Variants in DLEC1 observed in about 807,000 individuals in gnomAD.
The protein encoded by DLEC1 is DLEC1 cilia and flagella associated protein, also known as deleted in lung and esophageal cancer protein 1.
Under a neutral mutation model 198.1 loss-of-function variants are expected in DLEC1, and 146 were observed. That is an observed-to-expected ratio of 0.74 (90% CI 0.64 to 0.85). The LOEUF is 0.85. DLEC1 is among the 40% of genes least tolerant of loss of function. The pLI, the probability that DLEC1 is intolerant of heterozygous loss-of-function variation, is 0.00. For missense variants in DLEC1, 2,233 were observed against 2,220.0 expected (o/e 1.01, Z -0.12); for synonymous variants, 897 against 866.8 (o/e 1.03, Z -0.61).
rs1029551360 is a variant in DLEC1, at chr3:38,116,032, G to A, written c.3857-421G>A. ...CTGGCAAGACAGAGGTGGACATGGC[G>A]GCCCCCAAAGACTAGTCTGCCTGGG... On this transcript the variant is annotated intron_variant, in intron 27 of 36. Transcript: ENST00000308059. Among the ~76,000 whole-genome samples the A allele has an allele frequency of 9.2e-5, 14 of 152,082 alleles. No individual in the cohort carries two copies. In the South Asian group the frequency reaches 1.0e-3, roughly 11 times the overall value.
At chr3:38,074,727 C>T (rs1193820895) in intron 6 of DLEC1, among the ~76,000 whole-genome samples, 1 of 152,196 alleles carries the variant, frequency 6.6e-6, no homozygotes, top group Admixed American at 6.5e-5. Context: ...AGAGAAAAAA[C>T]TCTTTCCTGT....
At chr3:38,086,437 C>A in intron 9 of DLEC1, 60 bp downstream of exon 9, 1 of 1,557,136 alleles carries the variant, frequency 6.4e-7, no homozygotes, top group South Asian at 1.2e-5. Flanking sequence ...AAATAACCCC[C>A]AGAGGAACTT....
chr3:38,096,349 G>A (rs1348494005), intron 14 of DLEC1, among the ~76,000 whole-genome samples: 2 of 152,212 alleles, frequency 1.3e-5, no homozygotes, highest in African/African-American at 2.4e-5. Context: ...AGGCAGCAGG[G>A]CAATGCCCCG....
chr3:38,118,739 G>A (rs1226804957), intron 33 of DLEC1, among the ~76,000 whole-genome samples: 4 of 151,998 alleles, frequency 2.6e-5, no homozygotes, highest in Non-Finnish European at 4.4e-5. Flanking sequence ...TCTTCTTCTC[G>A]GAGGGCTTCC....
intron 9 of DLEC1, among the ~76,000 whole-genome samples, chr3:38,086,814 C>T (rs1698480703): frequency 6.6e-6 from 1 of 152,228 alleles, no homozygotes; most frequent in Admixed American, 6.5e-5. Context: ...GTGGCTCACA[C>T]ATGTAATCCC....
At chr3:38,071,858 G>A (rs914907289) in intron 6 of DLEC1, among the ~76,000 whole-genome samples, 12 of 152,230 alleles carry the variant, frequency 7.9e-5, no homozygotes, top group African/African-American at 2.9e-4. Flanking sequence ...TAGAATCAGT[G>A]TAGATATTGA....
At chr3:38,118,822 T>C (rs1700314966) in intron 33 of DLEC1, among the ~76,000 whole-genome samples, 2 of 152,144 alleles carry the variant, frequency 1.3e-5, no homozygotes, top group African/African-American at 4.8e-5. Context: ...GTCTCATCCA[T>C]TTCCAGAGCC....
At chr3:38,072,491 G>A (rs952330799) in intron 6 of DLEC1, among the ~76,000 whole-genome samples, 4 of 152,274 alleles carry the variant, frequency 2.6e-5, no homozygotes, top group Middle Eastern at 3.4e-3. Flanking sequence ...CCTGCACTTC[G>A]GCTGTGTGTA....
intron 28 of DLEC1, 40 bp from the exon 29 acceptor site, chr3:38,116,733 C>T (rs761602772): frequency 1.1e-5 from 17 of 1,608,096 alleles, no homozygotes; most frequent in Non-Finnish European, 1.4e-5. Flanking sequence ...CTAGTTGAAC[C>T]TCAGTGACTG....
Position 38,122,691 on chromosome 3 carries a change from G to A in DLEC1, c.*279G>A. ...AGACCAGTATGGCAAAATTAGTCTT[G>A]GAAAAAAACCACAGCCACTAAGATA... On this transcript the variant is annotated 3_prime_UTR_variant, in exon 37 of 37. Coordinates refer to ENST00000308059, the MANE Select transcript of DLEC1 (RefSeq NM_007335.4). 2 of 1,407,186 alleles carry A rather than the reference G, an allele frequency of 1.4e-6. No homozygotes were observed. The highest frequency in any genetic ancestry group is 1.9e-6 in the Non-Finnish European group (2 of 1,079,062). The allele number at this position is 1,407,186 out of a possible 1,614,324, so 87.2% of individuals were successfully genotyped here.
chr3:38,046,024 T>C (rs1700871337), intron 2 of DLEC1, among the ~76,000 whole-genome samples: 1 of 152,192 alleles, frequency 6.6e-6, no homozygotes, highest in Non-Finnish European at 1.5e-5. Context: ...TGATGGACAC[T>C]GCAATGGGAA....
At chr3:38,066,438 C>T (rs1030827961) in intron 6 of DLEC1, among the ~76,000 whole-genome samples, 2 of 152,212 alleles carry the variant, frequency 1.3e-5, no homozygotes, top group African/African-American at 4.8e-5. Context: ...TATTAGTTTG[C>T]ATTCTTCCAT....
chr3:38,087,255 T>C (rs1219183659), intron 9 of DLEC1, among the ~76,000 whole-genome samples: 2 of 151,980 alleles, frequency 1.3e-5, no homozygotes, highest in Non-Finnish European at 2.9e-5. Context: ...ATCCCAGCAC[T>C]GACACCATCC....
At chr3:38,081,345 G>A (rs1305362372) in intron 6 of DLEC1, among the ~76,000 whole-genome samples, 31 of 137,106 alleles carry the variant, frequency 2.3e-4, no homozygotes, top group East Asian at 2.2e-3. Context: ...CCTCCCAGAC[G>A]GGGTGGTGGC....
rs917369691 is a variant in DLEC1, at chr3:38,039,309, G to C, written c.84G>C (p.Ser28=). The change falls in exon 1 of 37, where the codon TCG becomes TCC. Residue 28 remains serine, a synonymous_variant. Transcript: ENST00000308059. ...AGGGGACAATGTGGGCGCCAACTTC[G>C]CCACCAGCCGGGTCCAGCAGCCCCA... ...ECQGTMWAPT[S]PPAGSSSPSQ... is the part of the protein sequence containing the mutation. 1.2e-6 allele frequency: 2 copies of C among 1,614,066 alleles called. No individual in the cohort carries two copies. Among genetic ancestry groups the C allele is most frequent in the African/African-American group, 2.7e-5 (2 of 74,940 alleles).
chr3:38,108,334 AGCAC>A, intron 20 of DLEC1, 67 bp from the exon 21 acceptor site: 2 of 1,294,280 alleles, frequency 1.5e-6, no homozygotes, highest in Non-Finnish European at 1.1e-6. Context: ...AGCAGTGCTG[AGCAC>A]TCTCTGGATA....
At chr3:38,077,607 A>T (rs972620948) in intron 6 of DLEC1, among the ~76,000 whole-genome samples, 1 of 152,206 alleles carries the variant, frequency 6.6e-6, no homozygotes, top group African/African-American at 2.4e-5. Flanking sequence ...CTGGTCTGTT[A>T]TCAGATTGTA....
At position 38,107,574 on chromosome 3, in the gene DLEC1, C is replaced by T. The variant is rs181914125; in HGVS notation, c.2865-10C>T. The T allele has an allele frequency of 3.5e-3, 5,606 of 1,590,088 alleles. 61 individuals are homozygous for T. The highest frequency in any genetic ancestry group is 2.4e-3 in the Non-Finnish European group (2,755 of 1,166,138). ...CTAATCAGTATGCCTTTTGTTTCCT[C>T]GTGTTCCAGCTACCTTCCTGTGTAT... is the stretch of plus-strand genomic sequence containing the variant. On this transcript the variant is annotated splice_polypyrimidine_tract_variant and intron_variant, in intron 19 of 36. Coordinates refer to ENST00000308059, the MANE Select transcript of DLEC1 (RefSeq NM_007335.4).
At chr3:38,084,086 T>G in intron 6 of DLEC1, 72 bp from the exon 7 acceptor site, 1 of 1,445,264 alleles carries the variant, frequency 6.9e-7, no homozygotes, top group Non-Finnish European at 9.7e-7. Flanking sequence ...CATATTAGAG[T>G]AAATCCTGGA....
Sources: gnomAD v4.1 joint callset for allele counts (sites outside exome capture counted in the v4.1 genomes callset) on GRCh38, gnomAD v4.1.1 for gene constraint, MANE v1.5 for transcripts, NCBI Gene and HGNC (gene_info 2026-07-23, HGNC 2026-07-21) for gene names.